The following AHCYL2 variants were observed in gnomAD, a reference collection of about 807,000 sequenced individuals.
The protein encoded by AHCYL2 is adenosylhomocysteinase like 2.
In AHCYL2, 28 loss-of-function variants were observed where a neutral mutation model predicts 81.4. The ratio of observed to expected loss-of-function variants is 0.34; its 90% CI spans 0.25 to 0.47. AHCYL2 has a LOEUF of 0.47. Among genes scored for constraint, AHCYL2 ranks in the 20% least tolerant of loss-of-function variants. The probability of loss-of-function intolerance (pLI) is 1.00; values close to 1 mark genes in which losing one functional copy is unlikely to be tolerated. For missense variants in AHCYL2, 551 were observed against 785.1 expected (o/e 0.70, Z 3.56); for synonymous variants, 272 against 290.2 (o/e 0.94, Z 0.64).
chr7:129,236,008 A>T (rs1358984109), intron 1 of AHCYL2, among the ~76,000 whole-genome samples: 1 of 148,492 alleles, frequency 6.7e-6, no homozygotes, highest in African/African-American at 2.5e-5. Context: ...TAATTTTGGG[A>T]TCAAAGATAG....
At chr7:129,402,176 G>A (rs1288205909) in intron 6 of AHCYL2, among the ~76,000 whole-genome samples, 1 of 152,180 alleles carries the variant, frequency 6.6e-6, no homozygotes, top group Non-Finnish European at 1.5e-5. Context: ...ATGGGAGAGA[G>A]AAACTCAGAA....
intron 2 of AHCYL2, among the ~76,000 whole-genome samples, chr7:129,386,604 A>C (rs1452128860): frequency 1.3e-5 from 2 of 152,216 alleles, no homozygotes; most frequent in South Asian, 2.1e-4. Context: ...AAGTGGTGTA[A>C]AGATTTTTTT....
At chr7:129,264,984 A>G (rs1220533778) in intron 1 of AHCYL2, among the ~76,000 whole-genome samples, 3 of 152,238 alleles carry the variant, frequency 2.0e-5, no homozygotes, top group Non-Finnish European at 4.4e-5. Context: ...TACAGAATTT[A>G]TGGTATTTAT....
chr7:129,265,153 C>A (rs1378194446), intron 1 of AHCYL2, among the ~76,000 whole-genome samples: 1 of 152,194 alleles, frequency 6.6e-6, no homozygotes, highest in Admixed American at 6.5e-5. Flanking sequence ...ACCCAGACTC[C>A]TGTCATTTTT....
chr7:129,233,838 G>A (rs9641846), intron 1 of AHCYL2, among the ~76,000 whole-genome samples: 97,675 of 151,866 alleles, frequency 0.64, 32,075 homozygotes, highest in Middle Eastern at 0.73. Flanking sequence ...TAGGCTTTAT[G>A]CCTCATTATA....
At chr7:129,416,910 G>A (rs1249527818) in intron 12 of AHCYL2, among the ~76,000 whole-genome samples, 1 of 152,134 alleles carries the variant, frequency 6.6e-6, no homozygotes, top group Non-Finnish European at 1.5e-5. Context: ...TTGAGCCCAG[G>A]AGTTCGAGGC....
intron 1 of AHCYL2, among the ~76,000 whole-genome samples, chr7:129,307,335 A>C (rs1173556532): frequency 1.3e-5 from 2 of 151,864 alleles, no homozygotes; most frequent in African/African-American, 4.8e-5. Context: ...AATCCTTCCT[A>C]TTCTTCCCTA....
intron 4 of AHCYL2, among the ~76,000 whole-genome samples, chr7:129,393,576 A>G (rs939688366): frequency 7.9e-5 from 12 of 152,174 alleles, no homozygotes; most frequent in Admixed American, 6.5e-4. Flanking sequence ...ATCCATTACT[A>G]TCATTACTTA....
rs148829281 is a variant in AHCYL2 at position 129,304,883 on chromosome 7, A to G, written c.364-74755A>G. On this transcript the variant is annotated intron_variant, in intron 1 of 16. Coordinates refer to ENST00000325006, the MANE Select transcript of AHCYL2 (RefSeq NM_015328.4). ...GGGGAGTTTAGTCCATTTACATTCA[A>G]TGTTATTATTAATAAGTAGGGACTT... 3.8e-3 allele frequency among the ~76,000 whole-genome samples: 569 copies of G among 149,492 alleles called. 2 individuals carry two copies. The highest frequency in any genetic ancestry group is 0.013 in the African/African-American group (535 of 40,790).
chr7:129,233,677 G>A (rs1422363134), intron 1 of AHCYL2, among the ~76,000 whole-genome samples: 2 of 152,078 alleles, frequency 1.3e-5, no homozygotes, highest in African/African-American at 4.8e-5. Context: ...TAGTAGAGAT[G>A]GCGTTTCACC....
intron 1 of AHCYL2, among the ~76,000 whole-genome samples, chr7:129,291,927 A>G (rs1368257958): frequency 6.6e-6 from 1 of 151,978 alleles, no homozygotes; most frequent in Non-Finnish European, 1.5e-5. Flanking sequence ...TTTTATGATG[A>G]CAAATATGGC....
intron 1 of AHCYL2, among the ~76,000 whole-genome samples, chr7:129,331,618 C>T (rs1798424572): frequency 6.6e-6 from 1 of 151,972 alleles, no homozygotes; most frequent in African/African-American, 2.4e-5. Context: ...CCAAGGCGGG[C>T]AGATCACGAG....
intron 1 of AHCYL2, among the ~76,000 whole-genome samples, chr7:129,274,860 C>T (rs1796144916): frequency 6.6e-6 from 1 of 152,070 alleles, no homozygotes; most frequent in African/African-American, 2.4e-5. Flanking sequence ...TAGCAGACAC[C>T]ATCTGGAGAA....
At chr7:129,395,422 C>G (rs540661159) in intron 4 of AHCYL2, among the ~76,000 whole-genome samples, 1 of 152,306 alleles carries the variant, frequency 6.6e-6, no homozygotes, top group East Asian at 1.9e-4. Context: ...TCTGTAGCAG[C>G]CAAACTTTGC....
intron 1 of AHCYL2, among the ~76,000 whole-genome samples, chr7:129,374,769 T>C (rs1452134193): frequency 1.4e-5 from 2 of 146,862 alleles, no homozygotes; most frequent in African/African-American, 5.1e-5. Context: ...ATCGCATCAT[T>C]GCACTCCAGC....
At chr7:129,237,603 T>G (rs112947967) in intron 1 of AHCYL2, among the ~76,000 whole-genome samples, 1,629 of 152,210 alleles carry the variant, frequency 0.011, 39 homozygotes, top group African/African-American at 0.037. Context: ...TGACGGAAAT[T>G]GGAGCCCCAA....
intron 15 of AHCYL2, among the ~76,000 whole-genome samples, chr7:129,425,928 G>A (rs1797344704): frequency 6.6e-6 from 1 of 152,204 alleles, no homozygotes; most frequent in South Asian, 2.1e-4. Context: ...TTATGAATAA[G>A]TACTATGTAG....
In AHCYL2 at chr7:129,406,199, G is replaced by A. The variant is rs951273012; in HGVS notation, c.1207-179G>A. ...GTGCACATGAATGCGATAAGCAGGAGCCAGGGGTTTGTTTATGAGCTGCAT... is the reference window on the plus strand; with the variant it reads ...GTGCACATGAATGCGATAAGCAGGAACCAGGGGTTTGTTTATGAGCTGCAT... On this transcript the variant is annotated intron_variant, in intron 9 of 16. Transcript: ENST00000325006. The surrounding 1 kb of genome is among the most constrained non-coding windows in gnomAD (Gnocchi z 4.3). Among the ~76,000 whole-genome samples the A allele has an allele frequency of 2.6e-5, 4 of 152,020 alleles. No individual in the cohort carries two copies. The highest frequency in any genetic ancestry group is 5.9e-5 in the Non-Finnish European group (4 of 68,032).
At chr7:129,231,320 A>G (rs2150675450) in intron 1 of AHCYL2, among the ~76,000 whole-genome samples, 1 of 152,270 alleles carries the variant, frequency 6.6e-6, no homozygotes. Context: ...AATTACTACT[A>G]CTACTACTAC....
Sources: allele counts gnomAD v4.1 joint callset (sites outside exome capture counted in the v4.1 genomes callset), GRCh38; gene constraint gnomAD v4.1.1; non-coding constraint Gnocchi (gnomAD v3.1); transcripts MANE v1.5; gene names NCBI Gene and HGNC (gene_info 2026-07-23, HGNC 2026-07-21).